Variants in DNER observed in about 807,000 individuals in gnomAD.
DNER encodes the protein delta and Notch-like epidermal growth factor-related receptor.
DNER carries 33 observed loss-of-function variants against 78.2 expected under a neutral mutation model. The ratio of observed to expected loss-of-function variants is 0.42; its 90% CI spans 0.32 to 0.56. The LOEUF (loss-of-function observed/expected upper bound fraction) is 0.56, where lower values mean the gene tolerates loss of function less well. Ranked by LOEUF, DNER falls within the 20% of genes least tolerant of loss-of-function variation. DNER has a pLI of 0.11. For missense variants in DNER, 918 were observed against 975.3 expected, an observed-to-expected ratio of 0.94 and a Z score of 0.78; for synonymous variants, 417 against 384.8, an observed-to-expected ratio of 1.08 and a Z score of -0.98.
chr2:229,521,235 T>C (rs1696091173), intron 5 of DNER, among the ~76,000 whole-genome samples: 1 of 152,178 alleles, frequency 6.6e-6, no homozygotes, highest in Non-Finnish European at 1.5e-5. Context: ...AGTAAGGGCT[T>C]TCTGCAGCCA....
chr2:229,598,723 G>T (rs1464623795), intron 1 of DNER, among the ~76,000 whole-genome samples: 8 of 152,130 alleles, frequency 5.3e-5, no homozygotes, highest in Admixed American at 5.2e-4. Context: ...CCAAGAAGAG[G>T]TGGTCTGGGA....
In DNER at chr2:229,447,384, G is replaced by A; in HGVS notation, c.1418C>T (p.Ala473Val). The A allele has an allele frequency of 6.2e-7, 1 of 1,613,260 alleles. No homozygotes were observed. The highest frequency in any genetic ancestry group is 8.5e-7 in the Non-Finnish European group (1 of 1,179,706). The change falls in exon 8 of 13, where the codon GCC becomes GTC. Residue 473 changes from alanine (A) to valine (V), a missense_variant. By Grantham distance (64) the Ala-to-Val change is moderately conservative. Coordinates refer to ENST00000341772, the MANE Select transcript of DNER (RefSeq NM_139072.4). ...CGTGCCATGAGCACAGGGGCTGAGG[G>A]CACAGAAGTCAATAAGCTGGGCACA... is the stretch of plus-strand genomic sequence containing the variant. The part of the protein sequence containing the change: ...PTCAQLIDFC[A>V]LSPCAHGTCR...
intron 5 of DNER, among the ~76,000 whole-genome samples, chr2:229,542,172 G>C (rs1016869098): frequency 1.3e-5 from 2 of 151,948 alleles, no homozygotes; most frequent in African/African-American, 2.4e-5. Context: ...TAATTAAGGA[G>C]TCAATCACCA....
chr2:229,650,375 A>G (rs1698794652), intron 1 of DNER, among the ~76,000 whole-genome samples: 1 of 152,314 alleles, frequency 6.6e-6, no homozygotes, highest in Non-Finnish European at 1.5e-5. Flanking sequence ...ACTGTACTCT[A>G]CACTTTAAGG....
intron 5 of DNER, among the ~76,000 whole-genome samples, chr2:229,543,834 T>C (rs1696565419): frequency 6.6e-6 from 1 of 152,198 alleles, no homozygotes; most frequent in African/African-American, 2.4e-5. Flanking sequence ...AAGAGTTAAC[T>C]ATGACAAAAC....
intron 4 of DNER, among the ~76,000 whole-genome samples, chr2:229,564,017 A>C (rs766152675): frequency 7.1e-4 from 105 of 147,418 alleles, no homozygotes; most frequent in Non-Finnish European, 1.2e-3. Flanking sequence ...CACCATCATC[A>C]TCATCCTCAC....
chr2:229,647,277 C>T (rs985039339), intron 1 of DNER, among the ~76,000 whole-genome samples: 1 of 152,138 alleles, frequency 6.6e-6, no homozygotes, highest in Non-Finnish European at 1.5e-5. Flanking sequence ...AACCAGGGAG[C>T]AGCAATCTAG....
chr2:229,643,232 A>AATAATT (rs1698658789), intron 1 of DNER, among the ~76,000 whole-genome samples: 1 of 151,988 alleles, frequency 6.6e-6, no homozygotes, highest in Admixed American at 6.6e-5. Context: ...TAATAATAAT[A>AATAATT]ATAAGGAATT....
intron 8 of DNER, among the ~76,000 whole-genome samples, chr2:229,425,996 G>A (rs764211982): frequency 1.3e-5 from 2 of 152,178 alleles, no homozygotes; most frequent in East Asian, 1.9e-4. Flanking sequence ...GCAGGGCTGT[G>A]AAGAGTGGTT....
intron 5 of DNER, among the ~76,000 whole-genome samples, chr2:229,544,691 C>T (rs1696585438): frequency 6.6e-6 from 1 of 152,046 alleles, no homozygotes; most frequent in East Asian, 1.9e-4. Context: ...CACCACCACG[C>T]CTGGCTAATT....
At chr2:229,663,363 A>G (rs921572248) in intron 1 of DNER, among the ~76,000 whole-genome samples, 1 of 152,184 alleles carries the variant, frequency 6.6e-6, no homozygotes, top group African/African-American at 2.4e-5. Context: ...ATTTTTTTCC[A>G]TGACTTGACT....
chr2:229,659,877 C>A (rs1197945078), intron 1 of DNER, among the ~76,000 whole-genome samples: 1 of 152,054 alleles, frequency 6.6e-6, no homozygotes, highest in Non-Finnish European at 1.5e-5. Flanking sequence ...CAATGACTGC[C>A]ATGTATGTAT....
chr2:229,410,789 G>A (rs1693494976), intron 9 of DNER, among the ~76,000 whole-genome samples: 1 of 152,178 alleles, frequency 6.6e-6, no homozygotes. Flanking sequence ...AGTCTTTGTT[G>A]TTGTAACAAA....
chr2:229,540,762 T>C (rs1696496437), intron 5 of DNER, among the ~76,000 whole-genome samples: 1 of 152,198 alleles, frequency 6.6e-6, no homozygotes, highest in African/African-American at 2.4e-5. Context: ...CTCTCAGAGA[T>C]AGGCCCACCC....
rs540327804 is a variant in DNER, at chr2:229,566,727, A to G, written c.847+19131T>C. The stretch of plus-strand genomic sequence containing the variant: ...ATCTGCAGTGATTCATAATTGCCTA[A>G]AGAGTTTATTTAATCAATTGTAACT... On this transcript the variant is annotated intron_variant, in intron 4 of 12. Coordinates refer to ENST00000341772, the MANE Select transcript of DNER (RefSeq NM_139072.4). Among the ~76,000 whole-genome samples the G allele has an allele frequency of 2.6e-5, 4 of 152,286 alleles. No individual in the cohort carries two copies. The South Asian group carries it at 8.3e-4, about 32-fold the overall frequency.
At chr2:229,444,155 T>C (rs947251834) in intron 8 of DNER, among the ~76,000 whole-genome samples, 1 of 152,208 alleles carries the variant, frequency 6.6e-6, no homozygotes, top group African/African-American at 2.4e-5. Context: ...TGGGCATGAA[T>C]GTTTTAGCAG....
chr2:229,580,823 G>A (rs1697378805), intron 4 of DNER, among the ~76,000 whole-genome samples: 1 of 152,208 alleles, frequency 6.6e-6, no homozygotes, highest in Admixed American at 6.5e-5. Flanking sequence ...GAATATTCCA[G>A]GGTACCTGGA....
chr2:229,520,059 C>T (rs980724712), intron 5 of DNER, among the ~76,000 whole-genome samples: 1 of 152,144 alleles, frequency 6.6e-6, no homozygotes, highest in Non-Finnish European at 1.5e-5. Flanking sequence ...GAACTTCAGG[C>T]AATTCTTCGC....
At chr2:229,461,518 T>C (rs923859856) in intron 7 of DNER, among the ~76,000 whole-genome samples, 1 of 151,988 alleles carries the variant, frequency 6.6e-6, no homozygotes, top group Non-Finnish European at 1.5e-5. Flanking sequence ...AGCACATTCA[T>C]GGACACATTT....
Sources: gnomAD v4.1 joint callset for allele counts (sites outside exome capture counted in the v4.1 genomes callset) on GRCh38, gnomAD v4.1.1 for gene constraint, MANE v1.5 for transcripts, NCBI Gene and HGNC (gene_info 2026-07-23, HGNC 2026-07-21) for gene names.